Variants in ZNF469 observed in about 807,000 individuals in gnomAD.
The protein encoded by ZNF469 is zinc finger protein 469.
Under a neutral mutation model 1.0 loss-of-function variants are expected in ZNF469, and 1 was observed. The ratio of observed to expected loss-of-function variants is 1.00; its 90% CI spans 0.35 to 4.73. ZNF469 has a LOEUF of 4.73. Ranked by LOEUF, ZNF469 falls within the 30% of genes most tolerant of loss-of-function variation. The probability of loss-of-function intolerance (pLI) is 0.16; values close to 1 mark genes in which losing one functional copy is unlikely to be tolerated. For synonymous variants in ZNF469, 2,703 were observed against 2,363.4 expected, an observed-to-expected ratio of 1.14 and a Z score of -4.17; for missense variants, 6,100 against 5,356.3, an observed-to-expected ratio of 1.14 and a Z score of -4.33.
chr16:88,260,572 G>A, the ZNF469 span, among the ~76,000 whole-genome samples: 1 of 152,182 alleles, frequency 6.6e-6, no homozygotes, highest in Non-Finnish European at 1.5e-5. The surrounding 1 kb of genome is among the most constrained non-coding windows in gnomAD (Gnocchi z 4.1). Context: ...GGAGAGTGGA[G>A]GGGCTTTACT....
At position 88,433,369 on chromosome 16, in the gene ZNF469, C is replaced by T; in HGVS notation, c.5899C>T (p.Leu1967Phe). 6.5e-7 allele frequency: 1 copy of T among 1,550,326 alleles called. No homozygotes were observed. The highest frequency in any genetic ancestry group is 8.7e-7 in the Non-Finnish European group (1 of 1,146,954). ...GSPGGVQVTT[L>F]PAVAGHQLGL... The stretch of plus-strand genomic sequence containing the variant: ...CCCAGGGGGTGTGCAGGTGACAACT[C>T]TCCCTGCAGTGGCCGGACATCAGCT... Residue 1967 changes from leucine (L) to phenylalanine (F), a missense_variant, in exon 3 of 3, where the codon CTC (leucine) becomes TTC (phenylalanine). By Grantham distance (22) the Leu-to-Phe change is conservative. Coordinates refer to ENST00000565624, the MANE Select transcript of ZNF469 (RefSeq NM_001367624.2).
the ZNF469 span, among the ~76,000 whole-genome samples, chr16:88,172,227 G>A: frequency 1.3e-5 from 2 of 152,042 alleles, no homozygotes; most frequent in South Asian, 2.1e-4. Context: ...TTGGCTAAGC[G>A]TTGATCTGTG....
Position 88,430,537 on chromosome 16 carries a change from C to G in ZNF469, c.3067C>G (p.Arg1023Gly). The G allele has an allele frequency of 6.8e-7, 1 of 1,465,390 alleles. No homozygotes were observed. Among genetic ancestry groups the G allele is most frequent in the Non-Finnish European group, 9.0e-7 (1 of 1,116,222 alleles). 90.8% of individuals were successfully genotyped at this position (1,465,390 alleles called of 1,614,324 possible). A position where few individuals can be genotyped will look rare whatever the true frequency, so the allele number is the denominator to read the frequency against. The stretch of plus-strand genomic sequence containing the variant: ...AGCCGCCGCCCTCCCCGAGGAGACC[C>G]GCAGCTCCCGGCGCCGCCGGCTGCC... ...PRAAALPEET[R>G]SSRRRRLPPR... Residue 1023 changes from arginine to glycine, a missense_variant, in exon 3 of 3, where the codon CGC becomes GGC. Transcript: ENST00000565624.
chr16:88,349,149 C>G, the ZNF469 span, among the ~76,000 whole-genome samples: 29 of 152,312 alleles, frequency 1.9e-4, no homozygotes, highest in Non-Finnish European at 2.5e-4. Flanking sequence ...CACTCGTCCC[C>G]CCTCACCAGC....
At chr16:88,405,159 A>C (rs1904992271) in intron 1 of ZNF469, among the ~76,000 whole-genome samples, 1 of 152,174 alleles carries the variant, frequency 6.6e-6, no homozygotes, top group Non-Finnish European at 1.5e-5. Context: ...AGATGTCCAC[A>C]CAGAGGGGAC....
At chr16:88,382,848 G>A (rs1009864448), upstream of ZNF469, among the ~76,000 whole-genome samples, 3 of 152,092 alleles carry the variant, frequency 2.0e-5, no homozygotes, top group Non-Finnish European at 2.9e-5. Context: ...CCCATCGCCG[G>A]GGTGGGTCCC....
At chr16:88,188,077 G>GA in the ZNF469 span, among the ~76,000 whole-genome samples, 1 of 152,068 alleles carries the variant, frequency 6.6e-6, no homozygotes, top group African/African-American at 2.4e-5. Context: ...GCCCTAAGCT[G>GA]ATTCACGCAG....
chr16:88,335,804 C>T, the ZNF469 span, among the ~76,000 whole-genome samples: 5 of 151,798 alleles, frequency 3.3e-5, no homozygotes, highest in Non-Finnish European at 5.9e-5. Context: ...TCGTCCTTCA[C>T]GTGAGACACT....
At chr16:88,252,517 A>T in the ZNF469 span, among the ~76,000 whole-genome samples, 2 of 151,474 alleles carry the variant, frequency 1.3e-5, no homozygotes, top group Non-Finnish European at 1.5e-5. Flanking sequence ...TCATCTCTTT[A>T]TAGAGTATTT....
intron 1 of ZNF469, among the ~76,000 whole-genome samples, chr16:88,408,771 G>A (rs997418409): frequency 5.3e-5 from 8 of 152,234 alleles, no homozygotes; most frequent in South Asian, 2.1e-4. Context: ...CAGCTGGCCC[G>A]AGAGAGGGGC....
chr16:88,280,841 TGCTGGTGTCGGTGCACAGGTTAGC>T, the ZNF469 span, among the ~76,000 whole-genome samples: 3 of 152,030 alleles, frequency 2.0e-5, no homozygotes, highest in Non-Finnish European at 4.4e-5. Context: ...GTCAGTACTG[TGCTGGTGTCGGTGCACAGGTTAGC>T]GCTGTGCCAC....
At chr16:88,391,060 G>A (rs889213255) in intron 1 of ZNF469, among the ~76,000 whole-genome samples, 1 of 152,208 alleles carries the variant, frequency 6.6e-6, no homozygotes, top group Non-Finnish European at 1.5e-5. Flanking sequence ...TCCGGCTGCC[G>A]TCCGCCCATG....
the ZNF469 span, among the ~76,000 whole-genome samples, chr16:88,180,151 A>G: frequency 6.6e-6 from 1 of 152,182 alleles, no homozygotes; most frequent in Non-Finnish European, 1.5e-5. Flanking sequence ...ATCCAATAGA[A>G]GGAAGAAAAA....
chr16:88,114,000 T>C, the ZNF469 span, among the ~76,000 whole-genome samples: 2 of 152,168 alleles, frequency 1.3e-5, no homozygotes, highest in Non-Finnish European at 2.9e-5. Context: ...GGTCCCATGA[T>C]GTCCGGCGAG....
At chr16:88,105,426 T>C in the ZNF469 span, among the ~76,000 whole-genome samples, 2 of 151,672 alleles carry the variant, frequency 1.3e-5, no homozygotes, top group Non-Finnish European at 2.9e-5. Context: ...TGTCTCAGTC[T>C]CCCAGGTAGC....
the ZNF469 span, among the ~76,000 whole-genome samples, chr16:88,327,305 C>T: frequency 5.9e-5 from 9 of 152,172 alleles, no homozygotes; most frequent in African/African-American, 2.4e-5. Flanking sequence ...CGCCAGCCCC[C>T]GCCTCGCCAC....
the ZNF469 span, among the ~76,000 whole-genome samples, chr16:88,357,567 G>C: frequency 1.3e-5 from 2 of 152,224 alleles, no homozygotes; most frequent in African/African-American, 4.8e-5. Context: ...CAGTACACTG[G>C]GTGCTAGCAG....
chr16:88,342,025 C>T, the ZNF469 span, among the ~76,000 whole-genome samples: 2 of 151,970 alleles, frequency 1.3e-5, no homozygotes, highest in Non-Finnish European at 2.9e-5. Context: ...GGTGGCAGCT[C>T]CAGCCAACAG....
chr16:88,279,555 ACGG>A, the ZNF469 span, among the ~76,000 whole-genome samples: 4 of 142,054 alleles, frequency 2.8e-5, no homozygotes, highest in African/African-American at 8.4e-5. Flanking sequence ...ATATCAGTGC[ACGG>A]TTAGTGCTGC....
Sources: allele counts gnomAD v4.1 joint callset (sites outside exome capture counted in the v4.1 genomes callset), GRCh38; gene constraint gnomAD v4.1.1; non-coding constraint Gnocchi (gnomAD v3.1); transcripts MANE v1.5; gene names NCBI Gene and HGNC (gene_info 2026-07-23, HGNC 2026-07-21).